The following DNM3 variants were observed in gnomAD, a reference collection of about 807,000 sequenced individuals.
DNM3 encodes the protein dynamin 3.
In DNM3, 47 loss-of-function variants were observed where a neutral mutation model predicts 101.6. The observed-to-expected ratio is 0.46, with a 90% CI of 0.37 to 0.59. The LOEUF is 0.59. DNM3 is among the 20% of genes least tolerant of loss of function. DNM3 has a pLI of 0.00. For missense variants in DNM3, 849 were observed against 1,085.7 expected (o/e 0.78, Z 3.06); for synonymous variants, 385 against 387.9 (o/e 0.99, Z 0.09).
chr1:171,915,440 G>A (rs2039636237), intron 1 of DNM3, among the ~76,000 whole-genome samples: 1 of 152,154 alleles, frequency 6.6e-6, no homozygotes, highest in African/African-American at 2.4e-5. Flanking sequence ...ATAGACAAGA[G>A]AGGGTGAATT....
At chr1:172,135,078 A>G (rs2057142125) in intron 14 of DNM3, among the ~76,000 whole-genome samples, 1 of 152,224 alleles carries the variant, frequency 6.6e-6, no homozygotes, top group African/African-American at 2.4e-5. Flanking sequence ...TTCTACATCT[A>G]TTGTGGTCTG....
At chr1:172,109,183 C>T (rs2055277912) in intron 13 of DNM3, among the ~76,000 whole-genome samples, 1 of 152,148 alleles carries the variant, frequency 6.6e-6, no homozygotes, top group Admixed American at 6.5e-5. Flanking sequence ...CTTACCTAGT[C>T]TACTAAAACT....
At chr1:171,903,141 C>A (rs150196096) in intron 1 of DNM3, among the ~76,000 whole-genome samples, 2 of 151,234 alleles carry the variant, frequency 1.3e-5, no homozygotes, top group Admixed American at 1.3e-4. Context: ...GGTGACAGAG[C>A]GAGACCCTGT....
At chr1:172,255,630 TA>T (rs2148694107) in intron 15 of DNM3, among the ~76,000 whole-genome samples, 1 of 152,300 alleles carries the variant, frequency 6.6e-6, no homozygotes, top group Non-Finnish European at 1.5e-5. Flanking sequence ...CTTGGAGTTC[TA>T]AAAAGGTATT....
intron 17 of DNM3, among the ~76,000 whole-genome samples, chr1:172,336,528 AC>A (rs1172346843): frequency 1.6e-4 from 23 of 147,166 alleles, no homozygotes; most frequent in African/African-American, 5.7e-4. Flanking sequence ...TTTATATATT[AC>A]ATTTTTAAAA....
chr1:172,234,023 G>A (rs1235335003), intron 14 of DNM3, among the ~76,000 whole-genome samples: 3 of 152,116 alleles, frequency 2.0e-5, no homozygotes, highest in Non-Finnish European at 2.9e-5. Context: ...TCAACATAGT[G>A]TTGGAAGTTC....
chr1:171,902,187 T>A (rs2038419938), intron 1 of DNM3, among the ~76,000 whole-genome samples: 1 of 152,234 alleles, frequency 6.6e-6, no homozygotes, highest in Non-Finnish European at 1.5e-5. Flanking sequence ...AATTCTAAAC[T>A]ATAGTTTGCC....
At chr1:172,147,721 G>A (rs1193191178) in intron 14 of DNM3, among the ~76,000 whole-genome samples, 1 of 151,804 alleles carries the variant, frequency 6.6e-6, no homozygotes, top group African/African-American at 2.4e-5. Flanking sequence ...AGTTTTTTTT[G>A]TTACAAGATT....
chr1:172,290,839 A>G (rs1263984913), intron 15 of DNM3, among the ~76,000 whole-genome samples: 2 of 152,132 alleles, frequency 1.3e-5, no homozygotes, highest in Non-Finnish European at 2.9e-5. Flanking sequence ...GAACCCTGGG[A>G]CACCCCCAGA....
chr1:172,072,747 C>T (rs1202195681), intron 11 of DNM3, among the ~76,000 whole-genome samples: 1 of 152,170 alleles, frequency 6.6e-6, no homozygotes, highest in Admixed American at 6.5e-5. Context: ...ATTAACTGGG[C>T]ATGATGGCAG....
rs967988670 is a variant in DNM3 at position 172,153,405 on chromosome 1, G to T, written c.1659+22117G>T. Among the ~76,000 whole-genome samples the T allele has an allele frequency of 3.9e-5, 6 of 152,204 alleles. 1 individual carries two copies. The South Asian group carries it at 1.2e-3, about 32-fold the overall frequency. ...AACATTTACAGAGAATAGGAGCAGA[G>T]AATATTAAACTAGTTATTTTATCAA... is the stretch of plus-strand genomic sequence containing the variant. On this transcript the variant is annotated intron_variant, in intron 14 of 20. Transcript: ENST00000627582.
rs2049416459 is a variant in DNM3, at chr1:172,041,867, T to C, written c.993-142T>C. The C allele has an allele frequency of 6.9e-6, 5 of 724,974 alleles. No individual in the cohort carries two copies. In the Admixed American group the frequency reaches 1.2e-4, roughly 17 times the overall value. The allele number at this position is 724,974 out of a possible 1,614,324, so 44.9% of individuals were successfully genotyped here. On this transcript the variant is annotated intron_variant, in intron 7 of 20. Transcript: ENST00000627582. ...GTATAATCACACTGTGAGTACTACA[T>C]AGAGTGCAATGTTAACTCTGCCAGT...
At chr1:172,242,074 A>G (rs1211300695) in intron 14 of DNM3, among the ~76,000 whole-genome samples, 3 of 152,108 alleles carry the variant, frequency 2.0e-5, no homozygotes, top group Non-Finnish European at 2.9e-5. Context: ...GAATCTTCCT[A>G]TAAGGTGATC....
intron 1 of DNM3, 123 bp downstream of exon 1, chr1:171,841,940 G>C: frequency 1.1e-6 from 1 of 918,370 alleles, no homozygotes; most frequent in Non-Finnish European, 1.5e-6. Flanking sequence ...TGGAATGGGG[G>C]GCAGAGTGGA....
intron 2 of DNM3, among the ~76,000 whole-genome samples, chr1:171,968,301 T>A (rs2043736515): frequency 6.6e-6 from 1 of 152,182 alleles, no homozygotes; most frequent in Non-Finnish European, 1.5e-5. Context: ...AAGACAAAAT[T>A]ACAACAAATT....
At chr1:172,173,897 T>C (rs769624773) in intron 14 of DNM3, among the ~76,000 whole-genome samples, 7 of 151,590 alleles carry the variant, frequency 4.6e-5, no homozygotes, top group Admixed American at 2.0e-4. Flanking sequence ...CTGGATCATA[T>C]ATGGCCAGGA....
intron 15 of DNM3, among the ~76,000 whole-genome samples, chr1:172,254,324 A>G (rs1195262566): frequency 6.6e-6 from 1 of 152,218 alleles, no homozygotes; most frequent in Non-Finnish European, 1.5e-5. Flanking sequence ...TTTTTAAAGT[A>G]TCTGTCTAAC....
chr1:171,987,766 T>C lies in DNM3; in HGVS notation c.346T>C (p.Ser116Pro). Residue 116 changes from serine (S) to proline (P), a missense_variant, in exon 3 of 21, where the codon TCC becomes CCC. By Grantham distance (74) the Ser-to-Pro change is moderately conservative. This residue lies in a region of DNM3 where 388 missense variants were observed against 483.0 expected (regional missense o/e 0.80). Transcript: ENST00000627582. ...CGTGACTGGAATGAATAAAGGCATTTCCTCCATACCCATTAATTTACGAGT... is the reference window on the plus strand; with the variant it reads ...CGTGACTGGAATGAATAAAGGCATTCCCTCCATACCCATTAATTTACGAGT... Reference protein sequence around the residue: ...DRVTGMNKGISSIPINLRVYS... With the variant: ...DRVTGMNKGIPSIPINLRVYS... 6.3e-7 allele frequency: 1 copy of C among 1,593,696 alleles called. No homozygotes were observed. The highest frequency in any genetic ancestry group is 1.2e-5 in the South Asian group (1 of 86,290).
chr1:172,266,432 A>T (rs941728869), intron 15 of DNM3, among the ~76,000 whole-genome samples: 4 of 152,190 alleles, frequency 2.6e-5, no homozygotes, highest in African/African-American at 7.2e-5. Context: ...GGTAAAAAGC[A>T]TGTAATATTC....
Sources: gnomAD v4.1 joint callset for allele counts (sites outside exome capture counted in the v4.1 genomes callset) on GRCh38, gnomAD v4.1.1 for gene constraint, gnomAD v4.1.1 regional missense constraint, MANE v1.5 for transcripts, NCBI Gene and HGNC (gene_info 2026-07-23, HGNC 2026-07-21) for gene names.